The following SLC26A2 variants were observed in gnomAD, a reference collection of about 807,000 sequenced individuals.
The protein encoded by SLC26A2 is sulfate transporter.
SLC26A2 carries 36 observed loss-of-function variants against 41.1 expected under a neutral mutation model. The observed-to-expected ratio is 0.88, with a 90% CI of 0.67 to 1.16. The LOEUF is 1.16. Ranked by LOEUF, SLC26A2 falls within the 50% of genes most tolerant of loss-of-function variation. The probability of loss-of-function intolerance (pLI) is 0.00; values close to 1 mark genes in which losing one functional copy is unlikely to be tolerated. For synonymous variants in SLC26A2, 291 were observed against 311.6 expected, an observed-to-expected ratio of 0.93 and a Z score of 0.70; for missense variants, 796 against 869.6, an observed-to-expected ratio of 0.92 and a Z score of 1.07.
Position 149,980,942 on chromosome 5 carries a change from G to A in SLC26A2, c.1349G>A (p.Gly450Asp), listed in dbSNP as rs778871884. 2 of 1,614,124 alleles carry A rather than the reference G, an allele frequency of 1.2e-6. No individual in the cohort carries two copies. Among genetic ancestry groups the A allele is most frequent in the Non-Finnish European group, 8.5e-7 (1 of 1,180,012 alleles). ...LAKTLVKEST[G>D]CHTQLSGVVT... ...AAGACATTGGTTAAAGAATCAACAG[G>A]CTGCCATACTCAGCTTTCTGGTGTG... Residue 450 changes from glycine (G) to aspartate (D), a missense_variant, in exon 3 of 3, where the codon GGC becomes GAC. Transcript: ENST00000286298.
chr5:149,962,112 C>T (rs1754722319), intron 1 of SLC26A2: 1 of 152,258 alleles, frequency 6.6e-6, no homozygotes, highest in Non-Finnish European at 1.5e-5. Flanking sequence ...TCCAGTGATT[C>T]TCCAAGTGTG....
chr5:149,979,531 A>G (rs1755056453), intron 2 of SLC26A2, among the ~76,000 whole-genome samples: 1 of 152,244 alleles, frequency 6.6e-6, no homozygotes, highest in South Asian at 2.1e-4. Flanking sequence ...GGCATGAGCC[A>G]TCACGCCCAA....
At position 149,978,094 on chromosome 5, in the gene SLC26A2, A is replaced by G; in HGVS notation, c.442A>G (p.Ser148Gly). 6.2e-7 allele frequency: 1 copy of G among 1,600,272 alleles called. No individual in the cohort carries two copies. Among genetic ancestry groups the G allele is most frequent in the Non-Finnish European group, 8.5e-7 (1 of 1,172,984 alleles). ...TGGTCTGTACACATCTTTTTTTGCC[A>G]GCATCATTTATTTTCTCTTGGGTAC... is the stretch of plus-strand genomic sequence containing the variant. ...VYGLYTSFFA[S>G]IIYFLLGTSR... The change falls in exon 2 of 3, where the codon AGC becomes GGC. Residue 148 changes from serine to glycine, a missense_variant. Transcript: ENST00000286298.
chr5:149,974,298 TTA>T lies in SLC26A2; in HGVS notation c.-25-3328_-25-3327del, dbSNP rs549110865. Among the ~76,000 whole-genome samples, 14 of 152,166 alleles carry T rather than the reference TTA, an allele frequency of 9.2e-5. No homozygotes were observed. In the East Asian group the frequency reaches 2.7e-3, roughly 29 times the overall value. The stretch of plus-strand genomic sequence containing the variant: ...TTTCTTTGTCTTCAGGATTTTCTCT[TTA>T]TCTTTTGTTTTCAGCAGCTTGAATA... On this transcript the variant is annotated intron_variant, in intron 1 of 2. Coordinates refer to ENST00000286298, the MANE Select transcript of SLC26A2 (RefSeq NM_000112.4).
rs371478671 is a variant in SLC26A2 at position 149,977,748 on chromosome 5, A to G, written c.96A>G (p.Gln32=). The change falls in exon 2 of 3, where the codon CAA becomes CAG. Residue 32 remains glutamine (Q), a synonymous_variant. Coordinates refer to ENST00000286298, the MANE Select transcript of SLC26A2 (RefSeq NM_000112.4). ...SYPSGIHLEL[Q]RESSTDFKQF... ...CATCTGGGATCCATCTGGAACTTCA[A>G]AGGGAATCAAGTACTGACTTCAAGC... 8 of 1,613,870 alleles carry G rather than the reference A, an allele frequency of 5.0e-6. No individual in the cohort carries two copies. In the African/African-American group the frequency reaches 9.3e-5, roughly 19 times the overall value.
At chr5:149,962,912 A>G (rs988273520) in intron 1 of SLC26A2, among the ~76,000 whole-genome samples, 1 of 152,178 alleles carries the variant, frequency 6.6e-6, no homozygotes, top group Non-Finnish European at 1.5e-5. Flanking sequence ...CACTGAGAAT[A>G]CAGCTTTGAA....
chr5:149,974,501 C>A (rs1275108383), intron 1 of SLC26A2, among the ~76,000 whole-genome samples: 1 of 151,684 alleles, frequency 6.6e-6, no homozygotes, highest in East Asian at 1.9e-4. Context: ...TGGCTCACTG[C>A]AGCCTCCGCC....
Position 149,981,257 on chromosome 5 carries a change from G to A in SLC26A2, c.1664G>A (p.Gly555Asp). Reference protein sequence around the residue: ...RTQKPKSSLLGLVEESEVFES... With the variant: ...RTQKPKSSLLDLVEESEVFES... ...CAGAAGCCAAAGAGTTCACTGCTTG[G>A]CTTGGTGGAAGAGTCTGAGGTCTTT... The change falls in exon 3 of 3, where the codon GGC becomes GAC. Residue 555 changes from glycine to aspartate, a missense_variant. By Grantham distance (94) the Gly-to-Asp change is moderately conservative. Transcript: ENST00000286298. 6.2e-7 allele frequency: 1 copy of A among 1,614,110 alleles called. No individual in the cohort carries two copies. The highest frequency in any genetic ancestry group is 2.2e-5 in the East Asian group (1 of 44,878).
intron 1 of SLC26A2, 67 bp from the exon 2 acceptor site, chr5:149,977,561 A>G (rs1755013799): frequency 1.2e-6 from 1 of 840,762 alleles, no homozygotes; most frequent in East Asian, 2.6e-5. Flanking sequence ...TGACAAATAG[A>G]ATTGTTAGTA....
rs1165606456 is a variant in SLC26A2 at position 149,978,116 on chromosome 5, G to A, written c.464G>A (p.Gly155Asp). Residue 155 changes from glycine to aspartate, a missense_variant, in exon 2 of 3, where the codon GGT (glycine) becomes GAT (aspartate). Coordinates refer to ENST00000286298, the MANE Select transcript of SLC26A2 (RefSeq NM_000112.4). ...FFASIIYFLL[G>D]TSRHISVGIF... ...GCCAGCATCATTTATTTTCTCTTGG[G>A]TACCTCCCGTCACATCTCTGTGGGC... is the stretch of plus-strand genomic sequence containing the variant. 6.2e-7 allele frequency: 1 copy of A among 1,603,122 alleles called. No individual in the cohort carries two copies. The highest frequency in any genetic ancestry group is 8.5e-7 in the Non-Finnish European group (1 of 1,173,862).
At position 149,983,930 on chromosome 5, in the gene SLC26A2, A is replaced by G. The variant is rs2113701508; in HGVS notation, c.*2117A>G. The G allele has an allele frequency of 6.6e-6, 1 of 152,344 alleles. No individual in the cohort carries two copies. Among genetic ancestry groups the G allele is most frequent in the African/African-American group, 2.4e-5 (1 of 41,570 alleles). The allele number at this position is 152,344 out of a possible 1,614,324, so 9.4% of individuals were successfully genotyped here. On this transcript the variant is annotated 3_prime_UTR_variant, in exon 3 of 3. Coordinates refer to ENST00000286298, the MANE Select transcript of SLC26A2 (RefSeq NM_000112.4). The stretch of plus-strand genomic sequence containing the variant: ...CTTCTCCCAAGGCAGGCTTAAGTTG[A>G]GACTATTATAGGTGTCTAATAACCT...
intron 2 of SLC26A2, among the ~76,000 whole-genome samples, chr5:149,979,461 A>G (rs1381016229): frequency 6.6e-6 from 1 of 152,024 alleles, no homozygotes; most frequent in African/African-American, 2.4e-5. Flanking sequence ...TCTCTCTATG[A>G]CCAAACTCCT....
At chr5:149,972,138 T>C (rs1324282498) in intron 1 of SLC26A2, among the ~76,000 whole-genome samples, 6 of 152,286 alleles carry the variant, frequency 3.9e-5, no homozygotes, top group African/African-American at 1.4e-4. Flanking sequence ...AGGTTAGATA[T>C]GTTCCTCCCT....
At position 149,977,555 on chromosome 5, in the gene SLC26A2, A is replaced by G. The variant is rs1017586706; in HGVS notation, c.-25-73A>G. ...TTCCTTTTAACTCTCATGAAATGAC[A>G]AATAGAATTGTTAGTATATGTGAGC... On this transcript the variant is annotated intron_variant, in intron 1 of 2. Coordinates refer to ENST00000286298, the MANE Select transcript of SLC26A2 (RefSeq NM_000112.4). 6 of 826,038 alleles carry G rather than the reference A, an allele frequency of 7.3e-6. No homozygotes were observed. The East Asian group carries it at 1.5e-4, about 21-fold the overall frequency. 51.2% of individuals were successfully genotyped at this position (826,038 alleles called of 1,614,324 possible). A position where few individuals can be genotyped will look rare whatever the true frequency, so the allele number is the denominator to read the frequency against.
intron 1 of SLC26A2, among the ~76,000 whole-genome samples, chr5:149,962,667 G>T (rs1029513154): frequency 6.6e-6 from 1 of 152,060 alleles, no homozygotes; most frequent in African/African-American, 2.4e-5. Flanking sequence ...TTTCCCCCAT[G>T]ATTGACAGAA....
At chr5:149,966,676 T>C (rs1470903377) in intron 1 of SLC26A2, among the ~76,000 whole-genome samples, 1 of 152,120 alleles carries the variant, frequency 6.6e-6, no homozygotes, top group Non-Finnish European at 1.5e-5. Context: ...ATTGCTCCAG[T>C]GAGCATTTCT....
In SLC26A2 at chr5:149,982,820, C is replaced by T. The variant is rs1425530156; in HGVS notation, c.*1007C>T. 1 of 152,136 alleles carries T rather than the reference C, an allele frequency of 6.6e-6. No homozygotes were observed. Among genetic ancestry groups the T allele is most frequent in the East Asian group, 1.9e-4 (1 of 5,194 alleles). 9.4% of individuals were successfully genotyped at this position (152,136 alleles called of 1,614,324 possible). A position where few individuals can be genotyped will look rare whatever the true frequency, so the allele number is the denominator to read the frequency against. ...ATTATGCAGGAGGATTTAGAAGTCA[C>T]ATTCATAAAACCCAAGTGCTATGGG... On this transcript the variant is annotated 3_prime_UTR_variant, in exon 3 of 3. Coordinates refer to ENST00000286298, the MANE Select transcript of SLC26A2 (RefSeq NM_000112.4).
At chr5:149,976,884 C>T (rs1276401984) in intron 1 of SLC26A2, among the ~76,000 whole-genome samples, 1 of 152,192 alleles carries the variant, frequency 6.6e-6, no homozygotes, top group Non-Finnish European at 1.5e-5. Context: ...CAGATGACTC[C>T]ATACTAGAAC....
chr5:149,969,330 A>G (rs1754861527), intron 1 of SLC26A2, among the ~76,000 whole-genome samples: 1 of 152,210 alleles, frequency 6.6e-6, no homozygotes, highest in Non-Finnish European at 1.5e-5. Context: ...GAGGTACTGT[A>G]GACCTTTCAC....
Sources: allele counts gnomAD v4.1 joint callset (sites outside exome capture counted in the v4.1 genomes callset), GRCh38; gene constraint gnomAD v4.1.1; transcripts MANE v1.5; gene names NCBI Gene and HGNC (gene_info 2026-07-23, HGNC 2026-07-21).